The following LMBR1 variants were observed in gnomAD, a reference collection of about 807,000 sequenced individuals.
LMBR1 encodes the protein limb development membrane protein 1.
Under a neutral mutation model 73.9 loss-of-function variants are expected in LMBR1, and 52 were observed. The observed-to-expected ratio is 0.70, with a 90% confidence interval of 0.56 to 0.89. LMBR1 has a LOEUF of 0.89. Among genes scored for constraint, LMBR1 ranks in the 40% least tolerant of loss-of-function variants. The pLI is 0.00. For synonymous variants in LMBR1, 215 were observed against 209.4 expected (o/e 1.03, Z -0.23); for missense variants, 539 against 579.8 (o/e 0.93, Z 0.72).
intron 9 of LMBR1, among the ~76,000 whole-genome samples, chr7:156,744,034 G>GAACA (rs1240587444): frequency 1.3e-5 from 2 of 152,176 alleles, no homozygotes; most frequent in African/African-American, 2.4e-5. Flanking sequence ...ACAAATGAGG[G>GAACA]AATGCATAAC....
At chr7:156,829,332 C>T (rs919538551) in intron 3 of LMBR1, among the ~76,000 whole-genome samples, 1 of 152,194 alleles carries the variant, frequency 6.6e-6, no homozygotes, top group African/African-American at 2.4e-5. Context: ...GAAATGTGAT[C>T]CCCCAGTGTT....
chr7:156,754,334 C>T (rs1821463486), intron 9 of LMBR1, among the ~76,000 whole-genome samples: 1 of 152,166 alleles, frequency 6.6e-6, no homozygotes, highest in Non-Finnish European at 1.5e-5. Flanking sequence ...AATATCATAA[C>T]TACCACAATA....
In LMBR1 at chr7:156,811,031, G is replaced by A. The variant is rs539210550; in HGVS notation, c.320-14539C>T. Among the ~76,000 whole-genome samples the A allele has an allele frequency of 1.0e-4, 15 of 148,708 alleles. No individual in the cohort carries two copies. In the South Asian group the frequency reaches 3.0e-3, roughly 30 times the overall value. On this transcript the variant is annotated intron_variant, in intron 4 of 16. Transcript: ENST00000353442. Reference sequence around the variant, plus strand: ...TCACCAAGTTGGCCAGGCTGGTCTTGAACTCCCGACCTCAGGTGATCCACC... The same window carrying A: ...TCACCAAGTTGGCCAGGCTGGTCTTAAACTCCCGACCTCAGGTGATCCACC...
chr7:156,810,692 C>G (rs959235624), intron 4 of LMBR1, among the ~76,000 whole-genome samples: 4 of 151,402 alleles, frequency 2.6e-5, no homozygotes, highest in African/African-American at 9.7e-5. Flanking sequence ...CATGCCTGGC[C>G]CTGGGAGTCA....
intron 5 of LMBR1, among the ~76,000 whole-genome samples, chr7:156,781,684 C>A (rs1376765539): frequency 6.6e-6 from 1 of 152,076 alleles, no homozygotes; most frequent in African/African-American, 2.4e-5. Flanking sequence ...ATTAAATACC[C>A]ATGGATATAC....
intron 1 of LMBR1, among the ~76,000 whole-genome samples, chr7:156,853,568 C>A (rs959942742): frequency 3.3e-5 from 5 of 152,212 alleles, no homozygotes; most frequent in South Asian, 2.1e-4. Context: ...TGGATTAAAT[C>A]TATGCAGAAA....
chr7:156,814,785 GA>G (rs1316807012), intron 4 of LMBR1, among the ~76,000 whole-genome samples: 1 of 152,168 alleles, frequency 6.6e-6, no homozygotes, highest in Non-Finnish European at 1.5e-5. Context: ...GGGCTCTTAT[GA>G]AGAACAGAAG....
chr7:156,803,258 A>G (rs1364683069), intron 4 of LMBR1, among the ~76,000 whole-genome samples: 1 of 152,176 alleles, frequency 6.6e-6, no homozygotes, highest in Non-Finnish European at 1.5e-5. Flanking sequence ...CTCATCTGAC[A>G]AAGGGCTAAT....
In LMBR1 at chr7:156,893,000, TCATGCCCGCCGCCGCGCCGCCCGCGTCCG is replaced by T. The variant is rs1458767106; in HGVS notation, c.-36_-8del. 1 of 1,521,012 alleles carries T rather than the reference TCATGCCCGCCGCCGCGCCGCCCGCGTCCG, an allele frequency of 6.6e-7. No homozygotes were observed. Among genetic ancestry groups the T allele is most frequent in the African/African-American group, 1.4e-5 (1 of 69,574 alleles). 94.2% of individuals were successfully genotyped at this position (1,521,012 alleles called of 1,614,324 possible). ...CCTCGTCCTGCCCTTCCATCCTCCT[TCATGCCCGCCGCCGCGCCGCCCGCGTCCG>T]CGTGCTCCGCCACACCATCGTCCGC... On this transcript the variant is annotated 5_prime_UTR_variant, in exon 1 of 17. It removes an upstream start codon present in the reference 5' UTR. Transcript: ENST00000353442.
chr7:156,670,354 C>T lies in LMBR1; in HGVS notation n.867-1067G>A, dbSNP rs1048046421. On this transcript the variant is annotated intron_variant and non_coding_transcript_variant, in intron 4 of 4. Coordinates refer to the LMBR1 transcript ENST00000430825. The surrounding 1 kb of genome is among the most constrained non-coding windows in gnomAD (Gnocchi z 4.3). ...AGTCAGGTCTGCAAGGGGGGCCCTG[C>T]GTTTTGCATCCCCTGGAAAGCGGGT... Among the ~76,000 whole-genome samples, 3 of 152,306 alleles carry T rather than the reference C, an allele frequency of 2.0e-5. No individual in the cohort carries two copies. The highest frequency in any genetic ancestry group is 6.5e-5 in the Admixed American group (1 of 15,296).
intron 15 of LMBR1, among the ~76,000 whole-genome samples, chr7:156,714,683 A>G (rs1203154468): frequency 6.6e-6 from 1 of 152,190 alleles, no homozygotes; most frequent in East Asian, 1.9e-4. Context: ...TAGCCCTTAA[A>G]TAACAAGTAG....
At chr7:156,775,404 A>C (rs982081862) in intron 5 of LMBR1, among the ~76,000 whole-genome samples, 8 of 152,130 alleles carry the variant, frequency 5.3e-5, no homozygotes, top group Admixed American at 2.0e-4. Flanking sequence ...TTCCTAAATA[A>C]TTTTACCAAA....
chr7:156,778,086 T>C (rs766145404), intron 5 of LMBR1, among the ~76,000 whole-genome samples: 8 of 152,220 alleles, frequency 5.3e-5, no homozygotes, highest in Non-Finnish European at 1.2e-4. Flanking sequence ...CTGAAATACA[T>C]ACTCACATGT....
chr7:156,869,945 A>G (rs1451393228), intron 1 of LMBR1, among the ~76,000 whole-genome samples: 1 of 152,224 alleles, frequency 6.6e-6, no homozygotes, highest in East Asian at 1.9e-4. Context: ...GGACAGAAAT[A>G]AAAGAAAAAA....
chr7:156,718,011 T>G (rs1813602978), intron 15 of LMBR1, among the ~76,000 whole-genome samples: 1 of 152,178 alleles, frequency 6.6e-6, no homozygotes, highest in African/African-American at 2.4e-5. Context: ...ATTTATGCAT[T>G]CACTTATATG....
intron 1 of LMBR1, among the ~76,000 whole-genome samples, chr7:156,847,491 G>A (rs1210390069): frequency 1.3e-5 from 2 of 152,148 alleles, no homozygotes; most frequent in African/African-American, 4.8e-5. Context: ...ACTGTCAAGG[G>A]AATGAAAAGA....
In LMBR1 at chr7:156,669,840, T is replaced by C. The variant is rs1802080753; in HGVS notation, n.867-553A>G. ...CAAAATAACCAGATGAGACGTGCAG[T>C]TGGGCCTGCAGCACGCAGGGCTTGG... On this transcript the variant is annotated intron_variant and non_coding_transcript_variant, in intron 4 of 4. Coordinates refer to the LMBR1 transcript ENST00000430825. This position sits in a 1 kb window ranked among gnomAD's most constrained non-coding sequence, Gnocchi z 4.2. 6.6e-6 allele frequency among the ~76,000 whole-genome samples: 1 copy of C among 152,076 alleles called. No individual in the cohort carries two copies. The highest frequency in any genetic ancestry group is 2.4e-5 in the African/African-American group (1 of 41,420).
At chr7:156,723,242 C>T (rs1048964939) in intron 15 of LMBR1, among the ~76,000 whole-genome samples, 2 of 152,150 alleles carry the variant, frequency 1.3e-5, no homozygotes, top group Admixed American at 6.5e-5. Context: ...AGCCTGCATC[C>T]CTGGTATCTG....
At chr7:156,699,468 G>C (rs1207112777) in intron 15 of LMBR1, among the ~76,000 whole-genome samples, 6 of 151,450 alleles carry the variant, frequency 4.0e-5, no homozygotes, top group African/African-American at 1.5e-4. Context: ...GAAAACCTAG[G>C]CAATACCATT....
Sources: gnomAD v4.1 joint callset for allele counts (sites outside exome capture counted in the v4.1 genomes callset) on GRCh38, gnomAD v4.1.1 for gene constraint, Gnocchi (gnomAD v3.1) non-coding constraint, MANE v1.5 for transcripts, NCBI Gene and HGNC (gene_info 2026-07-23, HGNC 2026-07-21) for gene names.